The following DMD variants were observed in gnomAD, a reference collection of about 807,000 sequenced individuals.
DMD encodes the protein dystrophin.
DMD carries 63 observed loss-of-function variants against 330.1 expected under a neutral mutation model. The observed-to-expected ratio is 0.19, with a 90% CI of 0.16 to 0.24. The LOEUF is 0.24. Ranked by LOEUF, DMD falls within the 10% of genes least tolerant of loss-of-function variation. DMD has a pLI of 1.00. For missense variants in DMD, 3,344 were observed against 2,684.1 expected (o/e 1.25, Z -5.43); for synonymous variants, 1,223 against 959.8 (o/e 1.27, Z -5.07).
At position 32,636,922 on chromosome X, in the gene DMD, C is replaced by A. The variant is rs770192601; in HGVS notation, c.1331+7210G>T. ...CTGAACCAGGAGAATGGCGTGAACC[C>A]GGGGGGCGGAGCTTGCAGTGAGCCG... On this transcript the variant is annotated intron_variant, in intron 11 of 78. Transcript: ENST00000357033. 3.7e-5 allele frequency among the ~76,000 whole-genome samples: 4 copies of A among 109,525 alleles called. No individual in the cohort carries two copies. The South Asian group carries it at 1.6e-3, about 44-fold the overall frequency.
chrX:31,588,146 TATA>T (rs975499972), intron 55 of DMD, among the ~76,000 whole-genome samples: 3 of 112,021 alleles, frequency 2.7e-5, no homozygotes, highest in Non-Finnish European at 5.6e-5. Flanking sequence ...TCTGTGTATT[TATA>T]ATGTTTTTAA....
At chrX:32,881,109 G>GCT (rs1279640705) in intron 2 of DMD, among the ~76,000 whole-genome samples, 5 of 112,507 alleles carry the variant, frequency 4.4e-5, no homozygotes, top group Non-Finnish European at 7.5e-5. Flanking sequence ...AAATACCAGA[G>GCT]TAAGTACAGC....
chrX:31,773,481 C>A (rs1465620722), intron 51 of DMD, among the ~76,000 whole-genome samples: 1 of 111,332 alleles, frequency 9.0e-6, no homozygotes, highest in East Asian at 2.8e-4. Flanking sequence ...AGTTATAGCT[C>A]TCTTTCAATT....
Position 31,180,381 on chromosome X carries a change from A to G in DMD, c.10075T>C (p.Tyr3359His). The G allele has an allele frequency of 8.3e-7, 1 of 1,202,306 alleles. No individual in the cohort carries two copies. Among genetic ancestry groups the G allele is most frequent in the Non-Finnish European group, 1.1e-6 (1 of 886,824 alleles). The change falls in exon 69 of 79, where the codon TAT (tyrosine) becomes CAT (histidine). Residue 3359 changes from tyrosine (Y) to histidine (H), a missense_variant. Coordinates refer to ENST00000357033, the MANE Select transcript of DMD (RefSeq NM_004006.3). The part of the protein sequence containing the change: ...GHKMHYPMVE[Y>H]CTPTTSGEDV... ...GGCGTCAAACTTACCGGAGTGCAATATTCCACCATGGGATAGTGCATTTTA... is the reference window on the plus strand; with the variant it reads ...GGCGTCAAACTTACCGGAGTGCAATGTTCCACCATGGGATAGTGCATTTTA...
At chrX:32,577,641 C>T (rs940717032) in intron 13 of DMD, among the ~76,000 whole-genome samples, 1 of 112,084 alleles carries the variant, frequency 8.9e-6, no homozygotes, top group Non-Finnish European at 1.9e-5. Context: ...AGAAAGGCAC[C>T]CATTAAATCT....
chrX:32,770,944 C>T (rs1332475068), intron 7 of DMD, among the ~76,000 whole-genome samples: 1 of 111,505 alleles, frequency 9.0e-6, no homozygotes, highest in Non-Finnish European at 1.9e-5. Flanking sequence ...ACTACAGGAA[C>T]ATTTAAAAAT....
intron 7 of DMD, among the ~76,000 whole-genome samples, chrX:32,722,757 T>C (rs923741185): frequency 9.0e-6 from 1 of 111,418 alleles, no homozygotes; most frequent in Non-Finnish European, 1.9e-5. Flanking sequence ...TGCATAAAAA[T>C]GCAACTAATT....
At chrX:32,108,929 T>C (rs1271105174) in intron 44 of DMD, among the ~76,000 whole-genome samples, 1 of 111,670 alleles carries the variant, frequency 9.0e-6, no homozygotes, top group Non-Finnish European at 1.9e-5. Flanking sequence ...ATGTTTAAAA[T>C]TCATATTTAT....
At chrX:31,522,363 C>CTCTCTCTCTCTCTCTCTA in intron 55 of DMD, among the ~76,000 whole-genome samples, 6 of 35,962 alleles carry the variant, frequency 1.7e-4, no homozygotes, top group African/African-American at 1.9e-4. Flanking sequence ...CTCTCTCTCT[C>CTCTCTCTCTCTCTCTCTA]TATATATATA....
intron 1 of DMD, among the ~76,000 whole-genome samples, chrX:33,319,800 C>A (rs1044706285): frequency 4.5e-5 from 5 of 111,813 alleles, no homozygotes; most frequent in Non-Finnish European, 1.9e-5. Context: ...CAGTTTCTTT[C>A]ATTTTTTCCA....
chrX:32,435,129 T>A (rs1016068731), intron 29 of DMD, among the ~76,000 whole-genome samples: 29 of 108,088 alleles, frequency 2.7e-4, no homozygotes, highest in African/African-American at 9.3e-4. Flanking sequence ...TCACATTTTA[T>A]TTAACTAATG....
At chrX:31,234,380 CTCCACCT>C (rs1452040313) in intron 63 of DMD, among the ~76,000 whole-genome samples, 1 of 112,596 alleles carries the variant, frequency 8.9e-6, no homozygotes, top group African/African-American at 3.2e-5. Context: ...ATTCTTTGGA[CTCCACCT>C]TTTACTAATG....
chrX:33,128,540 G>C, intron 1 of DMD: 2 of 701,062 alleles, frequency 2.9e-6, no homozygotes, highest in Non-Finnish European at 3.5e-6. Context: ...TAACTGTGTC[G>C]TCTGCTTTAT....
intron 18 of DMD, among the ~76,000 whole-genome samples, chrX:32,503,729 T>G (rs1271050439): frequency 9.0e-6 from 1 of 110,606 alleles, no homozygotes; most frequent in South Asian, 3.9e-4. Flanking sequence ...CTAATTTTTG[T>G]ATTTTTAGTA....
chrX:31,329,181 G>A (rs2056959480), intron 61 of DMD, among the ~76,000 whole-genome samples: 1 of 112,247 alleles, frequency 8.9e-6, no homozygotes, highest in Admixed American at 9.4e-5. Flanking sequence ...TTTGTGTACA[G>A]GTATTTGCAT....
chrX:31,182,944 T>C (rs371583904), intron 67 of DMD, 40 bp from the exon 68 acceptor site: 147 of 1,137,634 alleles, frequency 1.3e-4, no homozygotes, highest in Non-Finnish European at 1.7e-4. Context: ...GGCAAAAGGA[T>C]GAAAGGAAAG....
intron 51 of DMD, among the ~76,000 whole-genome samples, chrX:31,750,572 T>C (rs941504137): frequency 9.0e-6 from 1 of 111,001 alleles, no homozygotes; most frequent in African/African-American, 3.3e-5. Context: ...AGCATTCCCT[T>C]TGAAAACTGG....
intron 57 of DMD, among the ~76,000 whole-genome samples, chrX:31,484,080 T>C (rs1298134808): frequency 5.4e-5 from 6 of 111,503 alleles, no homozygotes; most frequent in African/African-American, 1.6e-4. Flanking sequence ...AAACTGCATG[T>C]TGTAGTATAA....
In DMD at chrX:32,357,030, A is replaced by G. The variant is rs374167072; in HGVS notation, c.5325+5758T>C. ...CAGCCTCCCAAGTAGCTGGGATTAC[A>G]GGCGCCCACCACCATGCCCAGCTAA... On this transcript the variant is annotated intron_variant, in intron 37 of 78. Coordinates refer to ENST00000357033, the MANE Select transcript of DMD (RefSeq NM_004006.3). Among the ~76,000 whole-genome samples the G allele has an allele frequency of 1.2e-3, 135 of 110,938 alleles. 1 individual carries two copies. In the East Asian group the frequency reaches 0.031, roughly 26 times the overall value.
Sources: gnomAD v4.1 joint callset for allele counts (sites outside exome capture counted in the v4.1 genomes callset) on GRCh38, gnomAD v4.1.1 for gene constraint, MANE v1.5 for transcripts, NCBI Gene and HGNC (gene_info 2026-07-23, HGNC 2026-07-21) for gene names.